EVC2: variants seen among roughly 807,000 people sequenced by gnomAD.
The protein encoded by EVC2 is limbin.
Under a neutral mutation model 149.3 loss-of-function variants are expected in EVC2, and 148 were observed. That is an observed-to-expected ratio of 0.99 (90% CI 0.87 to 1.14). The LOEUF is 1.14. Ranked by LOEUF, EVC2 falls within the 50% of genes most tolerant of loss-of-function variation. The pLI, the probability that EVC2 is intolerant of heterozygous loss-of-function variation, is 0.00. For missense variants in EVC2, 1,854 were observed against 1,627.3 expected (o/e 1.14, Z -2.40); for synonymous variants, 776 against 649.9 (o/e 1.19, Z -2.95).
intron 21 of EVC2, among the ~76,000 whole-genome samples, chr4:5,547,157 G>C (rs1343047635): frequency 6.6e-6 from 1 of 152,242 alleles, no homozygotes; most frequent in Non-Finnish European, 1.5e-5. Flanking sequence ...TCCGATCTCA[G>C]AGCAAAGTCA....
downstream of EVC2, among the ~76,000 whole-genome samples, chr4:5,540,809 A>G (rs1246771155): frequency 2.6e-5 from 4 of 152,226 alleles, no homozygotes; most frequent in African/African-American, 9.6e-5. Context: ...TGTGCGATTT[A>G]TTATATATGA....
intron 16 of EVC2, among the ~76,000 whole-genome samples, chr4:5,591,327 C>G (rs1042009347): frequency 2.6e-5 from 4 of 152,206 alleles, no homozygotes; most frequent in Admixed American, 6.5e-5. Context: ...GGCTACAACC[C>G]ATTATGAGAA....
intron 17 of EVC2, among the ~76,000 whole-genome samples, chr4:5,582,011 G>T (rs761917286): frequency 6.6e-6 from 1 of 152,224 alleles, no homozygotes; most frequent in Admixed American, 6.5e-5. Context: ...GATTTCAGAG[G>T]ATATATGGAA....
chr4:5,638,920 T>C (rs1717100378), intron 10 of EVC2, among the ~76,000 whole-genome samples: 1 of 152,060 alleles, frequency 6.6e-6, no homozygotes, highest in Admixed American at 6.6e-5. Context: ...TCCAGAACTA[T>C]TATATAACAG....
intron 9 of EVC2, among the ~76,000 whole-genome samples, chr4:5,656,297 C>G (rs1325147840): frequency 2.6e-5 from 4 of 152,136 alleles, no homozygotes; most frequent in African/African-American, 9.7e-5. Flanking sequence ...TTCTCTGACA[C>G]ACCCCATCGA....
At chr4:5,683,606 G>C (rs1399102622) in intron 6 of EVC2, among the ~76,000 whole-genome samples, 1 of 152,074 alleles carries the variant, frequency 6.6e-6, no homozygotes, top group Non-Finnish European at 1.5e-5. Context: ...GTGGGGGAGG[G>C]GTTCCTAAGG....
intron 9 of EVC2, among the ~76,000 whole-genome samples, chr4:5,641,085 T>C (rs960879798): frequency 6.6e-6 from 1 of 152,202 alleles, no homozygotes; most frequent in African/African-American, 2.4e-5. Flanking sequence ...GACATGTTTC[T>C]GTCAACAAGT....
Position 5,569,111 on chromosome 4 carries a change from C to T in EVC2, c.3361-471G>A, listed in dbSNP as rs1722492935. On this transcript the variant is annotated intron_variant, in intron 19 of 21. Coordinates refer to ENST00000344408, the MANE Select transcript of EVC2 (RefSeq NM_147127.5). This position sits in a 1 kb window ranked among gnomAD's most constrained non-coding sequence, Gnocchi z 4.8. ...TCAGAAGAAAGAACTGGAAGGATCCCAGGGGCATTATGCCGAGTGGAAACA... is the reference window on the plus strand; with the variant it reads ...TCAGAAGAAAGAACTGGAAGGATCCTAGGGGCATTATGCCGAGTGGAAACA... 6.6e-6 allele frequency among the ~76,000 whole-genome samples: 1 copy of T among 152,196 alleles called. No individual in the cohort carries two copies. Among genetic ancestry groups the T allele is most frequent in the Admixed American group, 6.5e-5 (1 of 15,282 alleles).
the EVC2 span, among the ~76,000 whole-genome samples, chr4:5,535,045 T>C: frequency 6.6e-6 from 1 of 152,070 alleles, no homozygotes; most frequent in South Asian, 2.1e-4. This position sits in a 1 kb window ranked among gnomAD's most constrained non-coding sequence, Gnocchi z 4.7. Flanking sequence ...AGGCAGAGGT[T>C]CCCTCAATAC....
intron 9 of EVC2, among the ~76,000 whole-genome samples, chr4:5,655,381 G>T (rs996069442): frequency 4.6e-5 from 7 of 152,042 alleles, no homozygotes; most frequent in African/African-American, 1.7e-4. Context: ...CTGTATCATG[G>T]GGCTGGAGTG....
chr4:5,560,418 C>T (rs1008102730), downstream of EVC2, among the ~76,000 whole-genome samples: 4 of 152,132 alleles, frequency 2.6e-5, no homozygotes, highest in South Asian at 2.1e-4. The surrounding 1 kb of genome is among the most constrained non-coding windows in gnomAD (Gnocchi z 4.1). Context: ...GAAGGCGAAG[C>T]GGAAGAACAG....
intron 15 of EVC2, among the ~76,000 whole-genome samples, chr4:5,615,931 A>G (rs1449340313): frequency 1.3e-5 from 2 of 151,918 alleles, no homozygotes; most frequent in Non-Finnish European, 2.9e-5. Context: ...TGCTTCCATG[A>G]CAGCGGAGAA....
chr4:5,674,406 T>C (rs768230093), intron 7 of EVC2, among the ~76,000 whole-genome samples: 1 of 152,154 alleles, frequency 6.6e-6, no homozygotes, highest in Non-Finnish European at 1.5e-5. Context: ...AATGAGAAAG[T>C]GGGACTAGAT....
At chr4:5,680,254 G>A (rs1024237489) in intron 7 of EVC2, among the ~76,000 whole-genome samples, 4 of 152,298 alleles carry the variant, frequency 2.6e-5, no homozygotes, top group East Asian at 1.9e-4. Flanking sequence ...TAGTAAATAC[G>A]TAAACCAGCA....
intron 9 of EVC2, among the ~76,000 whole-genome samples, chr4:5,648,897 C>A (rs1468148877): frequency 6.6e-6 from 1 of 152,168 alleles, no homozygotes; most frequent in Non-Finnish European, 1.5e-5. Flanking sequence ...CAACTCTCAT[C>A]CTTTAATTTC....
intron 1 of EVC2, among the ~76,000 whole-genome samples, chr4:5,704,523 T>C (rs1722016745): frequency 6.6e-6 from 1 of 152,062 alleles, no homozygotes; most frequent in Non-Finnish European, 1.5e-5. Context: ...AGAGAAGGTC[T>C]TGGCTGGAGA....
At chr4:5,615,314 G>T in intron 16 of EVC2, 108 bp downstream of exon 16, 1 of 1,566,108 alleles carries the variant, frequency 6.4e-7, no homozygotes, top group Non-Finnish European at 8.7e-7. Flanking sequence ...GTTGGGTGGA[G>T]ATGGATGGCA....
At chr4:5,530,144 C>T in the EVC2 span, among the ~76,000 whole-genome samples, 1 of 152,178 alleles carries the variant, frequency 6.6e-6, no homozygotes, top group African/African-American at 2.4e-5. Context: ...CATCAGTCGA[C>T]ATTAACTTCT....
chr4:5,599,696 A>C (rs1226379843), intron 16 of EVC2, among the ~76,000 whole-genome samples: 6 of 152,128 alleles, frequency 3.9e-5, no homozygotes. Context: ...CATTGTGCAC[A>C]TGTACCCTAA....
Sources: allele counts gnomAD v4.1 joint callset (sites outside exome capture counted in the v4.1 genomes callset), GRCh38; gene constraint gnomAD v4.1.1; non-coding constraint Gnocchi (gnomAD v3.1); transcripts MANE v1.5; gene names NCBI Gene and HGNC (gene_info 2026-07-23, HGNC 2026-07-21).